Variants in CCT7 observed in about 807,000 individuals in gnomAD.
CCT7 encodes the protein chaperonin containing TCP1 subunit 7.
Under a neutral mutation model 56.6 loss-of-function variants are expected in CCT7, and 16 were observed. That is an observed-to-expected ratio of 0.28 (90% CI 0.19 to 0.43). The LOEUF is 0.43. CCT7 is among the 20% of genes least tolerant of loss of function. The pLI, the probability that CCT7 is intolerant of heterozygous loss-of-function variation, is 1.00. For missense variants in CCT7, 519 were observed against 685.6 expected, an observed-to-expected ratio of 0.76 and a Z score of 2.71; for synonymous variants, 262 against 254.8, an observed-to-expected ratio of 1.03 and a Z score of -0.27.
chr2:73,236,587 C>T (rs757627242), intron 1 of CCT7, among the ~76,000 whole-genome samples: 1 of 152,234 alleles, frequency 6.6e-6, no homozygotes, highest in Non-Finnish European at 1.5e-5. Flanking sequence ...GATTCACCCA[C>T]CTTGGACTCC....
intron 6 of CCT7, among the ~76,000 whole-genome samples, chr2:73,246,475 A>G (rs1258260691): frequency 6.6e-6 from 1 of 152,134 alleles, no homozygotes; most frequent in Admixed American, 6.5e-5. Flanking sequence ...TTCTGGTACT[A>G]TTGCCACCCC....
At chr2:73,236,560 C>G (rs1013002203) in intron 1 of CCT7, among the ~76,000 whole-genome samples, 1 of 152,160 alleles carries the variant, frequency 6.6e-6, no homozygotes, top group Non-Finnish European at 1.5e-5. Context: ...AGGCTGGTCT[C>G]GAACACCTGA....
intron 11 of CCT7, 45 bp downstream of exon 11, chr2:73,251,477 G>A (rs1046290643): frequency 9.7e-6 from 13 of 1,345,846 alleles, no homozygotes; most frequent in Non-Finnish European, 1.4e-5. Context: ...GGCGGGTGGG[G>A]CTAGATTCTG....
rs567326725 is a variant in CCT7 at position 73,241,445 on chromosome 2, A to T, written c.267+902A>T. Among the ~76,000 whole-genome samples, 49 of 151,980 alleles carry T rather than the reference A, an allele frequency of 3.2e-4. 1 individual carries two copies. The highest frequency in any genetic ancestry group is 3.4e-3 in the Middle Eastern group (1 of 294). The stretch of plus-strand genomic sequence containing the variant: ...ATTTCTTACCTTACACAGTGAACAT[A>T]CATGAAGTTAAAAATAAATTTCTGG... On this transcript the variant is annotated intron_variant, in intron 3 of 11. Transcript: ENST00000258091.
At chr2:73,240,375 A>C in intron 2 of CCT7, 62 bp from the exon 3 acceptor site, 1 of 1,235,990 alleles carries the variant, frequency 8.1e-7, no homozygotes, top group Non-Finnish European at 1.2e-6. Flanking sequence ...GATGGGTTCT[A>C]GGTCCCACTT....
At chr2:73,245,945 A>G (rs1393789288) in intron 6 of CCT7, among the ~76,000 whole-genome samples, 2 of 152,066 alleles carry the variant, frequency 1.3e-5, no homozygotes, top group Non-Finnish European at 1.5e-5. Flanking sequence ...GGGCCTTCCT[A>G]CTTCCATAAA....
At position 73,247,902 on chromosome 2, in the gene CCT7, T is replaced by C; in HGVS notation, c.759T>C (p.Ala253=). Reference sequence around the variant, plus strand: ...AGTTGAAAGCTGAGAAAGACAATGCTGAGATAAGAGTCCACACAGTTGAGG... The same window carrying C: ...AGTTGAAAGCTGAGAAAGACAATGCCGAGATAAGAGTCCACACAGTTGAGG... ...ELELKAEKDN[A]EIRVHTVEDY... The change falls in exon 7 of 12, where the codon GCT becomes GCC. Residue 253 remains alanine, a synonymous_variant. Coordinates refer to ENST00000258091, the MANE Select transcript of CCT7 (RefSeq NM_006429.4). 1 of 1,614,128 alleles carries C rather than the reference T, an allele frequency of 6.2e-7. No homozygotes were observed. The highest frequency in any genetic ancestry group is 1.3e-5 in the African/African-American group (1 of 75,038).
chr2:73,240,947 G>T, intron 3 of CCT7, among the ~76,000 whole-genome samples: 1 of 145,818 alleles, frequency 6.9e-6, no homozygotes, highest in African/African-American at 2.5e-5. Context: ...TGTTTCCCAG[G>T]TTGGCCTTGA....
intron 6 of CCT7, among the ~76,000 whole-genome samples, chr2:73,247,316 G>A (rs574340760): frequency 6.6e-6 from 1 of 152,324 alleles, no homozygotes; most frequent in Admixed American, 6.5e-5. Context: ...GTACATGGAG[G>A]TGTACAGGAG....
intron 11 of CCT7, among the ~76,000 whole-genome samples, chr2:73,251,865 G>A (rs1004875708): frequency 4.6e-5 from 7 of 152,130 alleles, no homozygotes; most frequent in Admixed American, 3.9e-4. Context: ...CTTGAACCCA[G>A]GAGGCAGAGC....
At chr2:73,246,884 A>G (rs986711000) in intron 6 of CCT7, among the ~76,000 whole-genome samples, 1 of 152,192 alleles carries the variant, frequency 6.6e-6, no homozygotes, top group Non-Finnish European at 1.5e-5. Flanking sequence ...CTCTTCACCC[A>G]TGGGTTACAG....
At chr2:73,244,418 C>A (rs1422091449) in intron 5 of CCT7, 126 bp from the exon 6 acceptor site, 8 of 775,484 alleles carry the variant, frequency 1.0e-5, no homozygotes, top group Non-Finnish European at 1.4e-5. Flanking sequence ...CCTAAAGATA[C>A]AAAAGGTGAA....
At chr2:73,239,864 G>A in intron 2 of CCT7, 68 bp downstream of exon 2, 1 of 1,366,786 alleles carries the variant, frequency 7.3e-7, no homozygotes, top group Non-Finnish European at 1.0e-6. Context: ...TTTGGGACTA[G>A]CATAGGTTGG....
In CCT7 at chr2:73,244,676, A is replaced by G. The variant is rs1687261027; in HGVS notation, c.579A>G (p.Lys193=). The G allele has an allele frequency of 6.2e-7, 1 of 1,613,776 alleles. No individual in the cohort carries two copies. The highest frequency in any genetic ancestry group is 1.3e-5 in the African/African-American group (1 of 75,064). The stretch of plus-strand genomic sequence containing the variant: ...TGCTCGATGATTTGCTGCAGCTTAA[A>G]ATGATTGGAATCAAGAAGGTACAGG... ...VMMLDDLLQL[K]MIGIKKVQGG... is the part of the protein sequence containing the mutation. The change falls in exon 6 of 12, where the codon AAA becomes AAG. Residue 193 remains lysine (K), a synonymous_variant. Coordinates refer to ENST00000258091, the MANE Select transcript of CCT7 (RefSeq NM_006429.4).
At chr2:73,251,473 T>TGGGGGGGGGG in intron 11 of CCT7, 41 bp downstream of exon 11, 3 of 449,634 alleles carry the variant, frequency 6.7e-6, no homozygotes, top group Non-Finnish European at 8.9e-6. Context: ...TTTGGGCGGG[T>TGGGGGGGGGG]GGGGCTAGAT....
chr2:73,250,359 G>A lies in CCT7; in HGVS notation c.1124G>A (p.Arg375His), dbSNP rs374922789. Reference sequence around the variant, plus strand: ...GCCAAGACATGCACCTTCATTCTCCGTGGCGGCGCCGAGCAGTTTATGGAG... The same window carrying A: ...GCCAAGACATGCACCTTCATTCTCCATGGCGGCGCCGAGCAGTTTATGGAG... ...PKAKTCTFILRGGAEQFMEET... is the reference protein window; with the variant it reads ...PKAKTCTFILHGGAEQFMEET... The change falls in exon 10 of 12, where the codon CGT (arginine) becomes CAT (histidine). Residue 375 changes from arginine to histidine, a missense_variant. Transcript: ENST00000258091. The A allele has an allele frequency of 6.2e-6, 10 of 1,614,120 alleles. No individual in the cohort carries two copies. The highest frequency in any genetic ancestry group is 2.2e-5 in the South Asian group (2 of 91,076).
intron 11 of CCT7, 99 bp from the exon 12 acceptor site, chr2:73,252,541 A>G: frequency 1.1e-6 from 1 of 882,258 alleles, no homozygotes; most frequent in Non-Finnish European, 1.8e-6. Context: ...AAGTTCAGAG[A>G]GTCTGCGGGT....
At chr2:73,235,881 C>G (rs1023815573) in intron 1 of CCT7, among the ~76,000 whole-genome samples, 2 of 152,236 alleles carry the variant, frequency 1.3e-5, no homozygotes, top group African/African-American at 4.8e-5. Flanking sequence ...AACCGCCATT[C>G]TCTGCCGTGA....
intron 1 of CCT7, 72 bp downstream of exon 1, chr2:73,234,456 C>G: frequency 6.4e-7 from 1 of 1,566,978 alleles, no homozygotes; most frequent in Non-Finnish European, 8.7e-7. Flanking sequence ...TCGGCCTGGG[C>G]TTGCTCTGTA....
Sources: allele counts gnomAD v4.1 joint callset (sites outside exome capture counted in the v4.1 genomes callset), GRCh38; gene constraint gnomAD v4.1.1; transcripts MANE v1.5; gene names NCBI Gene and HGNC (gene_info 2026-07-23, HGNC 2026-07-21).